Variants in PRKCE observed in about 807,000 individuals in gnomAD.
PRKCE encodes the protein protein kinase C epsilon.
A neutral mutation model predicts 85.4 loss-of-function variants in PRKCE; 16 were observed. The ratio of observed to expected loss-of-function variants is 0.19; its 90% CI spans 0.13 to 0.28. PRKCE has a LOEUF of 0.28. PRKCE is among the 10% of genes least tolerant of loss of function. The pLI is 1.00. For synonymous variants in PRKCE, 388 were observed against 371.5 expected, an observed-to-expected ratio of 1.04 and a Z score of -0.51; for missense variants, 573 against 975.2, an observed-to-expected ratio of 0.59 and a Z score of 5.49.
intron 7 of PRKCE, among the ~76,000 whole-genome samples, chr2:46,002,414 A>C (rs1704770269): frequency 6.6e-6 from 1 of 152,202 alleles, no homozygotes; most frequent in Non-Finnish European, 1.5e-5. Flanking sequence ...CTTCCGCCTA[A>C]ATAGTCTCCC....
intron 1 of PRKCE, among the ~76,000 whole-genome samples, chr2:45,790,181 A>G (rs1363588798): frequency 6.6e-6 from 1 of 152,246 alleles, no homozygotes; most frequent in African/African-American, 2.4e-5. Flanking sequence ...GCACATATGC[A>G]TAAATGAGAG....
At chr2:45,720,580 C>T (rs1249998200) in intron 1 of PRKCE, among the ~76,000 whole-genome samples, 2 of 152,182 alleles carry the variant, frequency 1.3e-5, no homozygotes, top group African/African-American at 2.4e-5. Context: ...TCCCTCTTTG[C>T]CCACATTCAC....
intron 1 of PRKCE, among the ~76,000 whole-genome samples, chr2:45,688,012 A>G (rs773532392): frequency 6.6e-6 from 1 of 152,230 alleles, no homozygotes; most frequent in African/African-American, 2.4e-5. Flanking sequence ...CTAGGAATCT[A>G]GCTCTGGCCC....
At chr2:45,664,089 A>T (rs1675804887) in intron 1 of PRKCE, among the ~76,000 whole-genome samples, 1 of 152,240 alleles carries the variant, frequency 6.6e-6, no homozygotes, top group Non-Finnish European at 1.5e-5. Flanking sequence ...TTGAAGTTTT[A>T]ATTATCCAGG....
At chr2:45,963,791 G>A (rs998923130) in intron 2 of PRKCE, among the ~76,000 whole-genome samples, 2 of 152,202 alleles carry the variant, frequency 1.3e-5, no homozygotes, top group Non-Finnish European at 2.9e-5. Flanking sequence ...TCTTGGGAAA[G>A]ACCATTATTT....
intron 1 of PRKCE, among the ~76,000 whole-genome samples, chr2:45,674,297 G>C (rs1676317224): frequency 6.6e-6 from 1 of 152,174 alleles, no homozygotes; most frequent in Non-Finnish European, 1.5e-5. Flanking sequence ...GCCGTAATGA[G>C]ATATATAAGA....
intron 2 of PRKCE, among the ~76,000 whole-genome samples, chr2:45,943,268 A>G (rs548502291): frequency 1.3e-5 from 2 of 152,364 alleles, no homozygotes; most frequent in African/African-American, 2.4e-5. Flanking sequence ...TATTTAAAAA[A>G]TGATTTCGCA....
intron 10 of PRKCE, among the ~76,000 whole-genome samples, chr2:46,082,641 A>C (rs1669202079): frequency 6.6e-6 from 1 of 152,192 alleles, no homozygotes. Context: ...GAGCATCTGG[A>C]GCCCAGCCTC....
At chr2:46,006,294 C>T (rs535561710) in intron 8 of PRKCE, among the ~76,000 whole-genome samples, 1 of 152,332 alleles carries the variant, frequency 6.6e-6, no homozygotes, top group East Asian at 1.9e-4. Context: ...ATAACTGAGG[C>T]TTTTAGCTCT....
chr2:45,993,960 C>A (rs1704019387), intron 6 of PRKCE, among the ~76,000 whole-genome samples: 1 of 152,050 alleles, frequency 6.6e-6, no homozygotes, highest in Non-Finnish European at 1.5e-5. Flanking sequence ...CCACCTTTAG[C>A]CCAATGGGCA....
chr2:46,158,901 G>A (rs1677475509), intron 13 of PRKCE, among the ~76,000 whole-genome samples: 1 of 152,150 alleles, frequency 6.6e-6, no homozygotes, highest in Admixed American at 6.5e-5. Flanking sequence ...TCACCTGGGT[G>A]TGTAGGGATC....
rs554481838 is a variant in PRKCE at position 45,937,261 on chromosome 2, G to A, written c.413-39168G>A. ...TTATAGCAGAAGCTGTTGGTGTCCCGGCCATAGCTGTGTCCCTTGGTCTGC... is the reference window on the plus strand; with the variant it reads ...TTATAGCAGAAGCTGTTGGTGTCCCAGCCATAGCTGTGTCCCTTGGTCTGC... On this transcript the variant is annotated intron_variant, in intron 2 of 14. Transcript: ENST00000306156. Among the ~76,000 whole-genome samples, 40 of 152,246 alleles carry A rather than the reference G, an allele frequency of 2.6e-4. No homozygotes were observed. In the South Asian group the frequency reaches 6.4e-3, roughly 24 times the overall value.
intron 14 of PRKCE, among the ~76,000 whole-genome samples, chr2:46,170,850 C>A (rs187874958): frequency 4.6e-5 from 7 of 152,310 alleles, no homozygotes; most frequent in Non-Finnish European, 7.4e-5. Flanking sequence ...TGATCTCTAT[C>A]TAGAACATTT....
At chr2:46,005,604 T>C (rs1705118960) in intron 8 of PRKCE, among the ~76,000 whole-genome samples, 1 of 152,234 alleles carries the variant, frequency 6.6e-6, no homozygotes, top group Non-Finnish European at 1.5e-5. Context: ...ACTGTACCCA[T>C]GCTGGCTGAG....
At chr2:45,948,587 T>A (rs1349972638) in intron 2 of PRKCE, among the ~76,000 whole-genome samples, 1 of 152,216 alleles carries the variant, frequency 6.6e-6, no homozygotes, top group African/African-American at 2.4e-5. Context: ...TGCAATGAGC[T>A]ATGCCAGCAG....
chr2:46,112,919 G>C (rs1672412240), intron 11 of PRKCE, among the ~76,000 whole-genome samples: 1 of 151,976 alleles, frequency 6.6e-6, no homozygotes, highest in Admixed American at 6.6e-5. Flanking sequence ...CCAGTTGTAG[G>C]TTGCTTCTTA....
At chr2:45,889,969 T>C (rs936982822) in intron 2 of PRKCE, among the ~76,000 whole-genome samples, 1 of 152,210 alleles carries the variant, frequency 6.6e-6, no homozygotes, top group African/African-American at 2.4e-5. Flanking sequence ...AAGTGCCTTT[T>C]TTCCCTGAAA....
chr2:46,158,865 T>C (rs1439021053), intron 13 of PRKCE, among the ~76,000 whole-genome samples: 1 of 152,242 alleles, frequency 6.6e-6, no homozygotes. Flanking sequence ...CCCTCAGGAC[T>C]GACTCATTTA....
At chr2:45,874,843 G>T (rs1482868826) in intron 2 of PRKCE, among the ~76,000 whole-genome samples, 1 of 152,142 alleles carries the variant, frequency 6.6e-6, no homozygotes, top group Non-Finnish European at 1.5e-5. Context: ...TAGCAGTGGG[G>T]ATATTTGGGA....
Sources: gnomAD v4.1 joint callset for allele counts (sites outside exome capture counted in the v4.1 genomes callset) on GRCh38, gnomAD v4.1.1 for gene constraint, MANE v1.5 for transcripts, NCBI Gene and HGNC (gene_info 2026-07-23, HGNC 2026-07-21) for gene names.